The following GPR141 variants were observed in gnomAD, a reference collection of about 807,000 sequenced individuals.
GPR141 encodes probable G protein-coupled receptor 141.
In GPR141, 6 loss-of-function variants were observed where a neutral mutation model predicts 6.8. The observed-to-expected ratio is 0.88, with a 90% CI of 0.48 to 1.74. GPR141 has a LOEUF of 1.74. GPR141 is among the 40% of genes most tolerant of loss of function. GPR141 has a pLI of 0.01. For missense variants in GPR141, 372 were observed against 372.9 expected (o/e 1.00, Z 0.02); for synonymous variants, 140 against 142.3 (o/e 0.98, Z 0.11).
At chr7:37,729,650 A>G (rs1011925828) in intron 2 of GPR141, among the ~76,000 whole-genome samples, 6 of 152,208 alleles carry the variant, frequency 3.9e-5, no homozygotes, top group Non-Finnish European at 7.3e-5. Flanking sequence ...GCTTTTTGAG[A>G]AAGGAGCTGA....
intron 2 of GPR141, among the ~76,000 whole-genome samples, chr7:37,694,291 C>T (rs999833844): frequency 6.6e-6 from 1 of 152,188 alleles, no homozygotes; most frequent in Non-Finnish European, 1.5e-5. Flanking sequence ...GCAGCTCTGC[C>T]GGGGCACTGT....
intron 2 of GPR141, among the ~76,000 whole-genome samples, chr7:37,691,287 C>CTTTTTTTT (rs1562764851): frequency 3.4e-4 from 32 of 93,660 alleles, no homozygotes; most frequent in African/African-American, 4.9e-4. Context: ...CAGTCTATAT[C>CTTTTTTTT]CTTTTTTTTT....
chr7:37,713,834 A>T (rs1303837048), intron 2 of GPR141, among the ~76,000 whole-genome samples: 1 of 152,178 alleles, frequency 6.6e-6, no homozygotes, highest in Non-Finnish European at 1.5e-5. Context: ...ATCTACACTA[A>T]ATCCTTTATA....
intron 2 of GPR141, among the ~76,000 whole-genome samples, chr7:37,736,249 A>T (rs953492818): frequency 4.7e-5 from 7 of 148,820 alleles, no homozygotes; most frequent in African/African-American, 7.5e-5. Context: ...AAGACTCTTT[A>T]AAAAAAAAAG....
In GPR141 at chr7:37,742,586, A is replaced by G. The variant is rs1180746602; in HGVS notation, c.*1275A>G. Among the ~76,000 whole-genome samples, 3 of 152,148 alleles carry G rather than the reference A, an allele frequency of 2.0e-5. No homozygotes were observed. The highest frequency in any genetic ancestry group is 4.4e-5 in the Non-Finnish European group (3 of 68,020). ...TTAAATAAATGAAAACTGTGTTTTT[A>G]AAAGAGGACTTTTGAGAAGTATATA... On this transcript the variant is annotated 3_prime_UTR_variant, in exon 3 of 3. Coordinates refer to ENST00000334425, the MANE Select transcript of GPR141 (RefSeq NM_001381946.1).
In GPR141 at chr7:37,741,073, A is replaced by G. The variant is rs1812536078; in HGVS notation, c.680A>G (p.Asn227Ser). Reference protein sequence around the residue: ...SHQEFWAQLKNLFFIGVILVC... With the variant: ...SHQEFWAQLKSLFFIGVILVC... ...CAGGAGTTCTGGGCTCAGCTGAAAA[A>G]CCTATTTTTTATAGGGGTCATCCTT... Residue 227 changes from asparagine to serine, a missense_variant, in exon 3 of 3, where the codon AAC (asparagine) becomes AGC (serine). Physicochemically the swap from Asn to Ser is conservative, Grantham distance 46. Transcript: ENST00000334425. 6.2e-7 allele frequency: 1 copy of G among 1,613,706 alleles called. No homozygotes were observed. The highest frequency in any genetic ancestry group is 1.7e-5 in the Admixed American group (1 of 59,976).
chr7:37,692,926 T>G (rs1374932185), intron 2 of GPR141, among the ~76,000 whole-genome samples: 3 of 152,158 alleles, frequency 2.0e-5, no homozygotes, highest in African/African-American at 7.2e-5. Flanking sequence ...ATTGCAAAAA[T>G]TTTCTCCCAT....
intron 2 of GPR141, among the ~76,000 whole-genome samples, chr7:37,698,896 A>G (rs1810148056): frequency 1.3e-5 from 2 of 152,352 alleles, no homozygotes; most frequent in South Asian, 4.1e-4. Flanking sequence ...CAGTTTCTGT[A>G]TCCTACGTCA....
At chr7:37,739,355 C>T (rs1446636114) in intron 2 of GPR141, among the ~76,000 whole-genome samples, 3 of 152,274 alleles carry the variant, frequency 2.0e-5, no homozygotes, top group Admixed American at 6.5e-5. Context: ...TATCAAGACA[C>T]TTCTTTTTTC....
At chr7:37,695,684 A>T (rs1489427355) in intron 2 of GPR141, among the ~76,000 whole-genome samples, 1 of 152,068 alleles carries the variant, frequency 6.6e-6, no homozygotes, top group Non-Finnish European at 1.5e-5. Context: ...AGCCTTTTTT[A>T]TTAAAATGTA....
intron 2 of GPR141, among the ~76,000 whole-genome samples, chr7:37,691,246 CTTTT>C (rs375372143): frequency 3.1e-5 from 3 of 97,954 alleles, no homozygotes; most frequent in Admixed American, 1.2e-4. Flanking sequence ...TAGTTGGGTC[CTTTT>C]TTTTTTTTTT....
rs77105641 is a variant in GPR141, at chr7:37,717,692, C to T, written c.-14-22688C>T. Among the ~76,000 whole-genome samples, 59 of 152,310 alleles carry T rather than the reference C, an allele frequency of 3.9e-4. 1 individual carries two copies. In the East Asian group the frequency reaches 0.011, roughly 28 times the overall value. ...TCTCCCAGTTTGGCTTGTTCTCCCA[C>T]AACAATGCTCTGATGCACTATCTTA... On this transcript the variant is annotated intron_variant, in intron 2 of 2. Transcript: ENST00000334425.
intron 2 of GPR141, among the ~76,000 whole-genome samples, chr7:37,690,181 GTTTGTT>G (rs576051124): frequency 1.4e-3 from 217 of 151,906 alleles, no homozygotes; most frequent in African/African-American, 4.9e-3. Flanking sequence ...TTTTTTGTTT[GTTTGTT>G]TTTGTTTTTG....
intron 1 of GPR141, among the ~76,000 whole-genome samples, chr7:37,685,021 T>C (rs1173175945): frequency 6.6e-6 from 1 of 152,226 alleles, no homozygotes; most frequent in African/African-American, 2.4e-5. Flanking sequence ...GTAAATATTT[T>C]AGGCTTTGCA....
At chr7:37,731,346 TG>T (rs1234380816) in intron 2 of GPR141, among the ~76,000 whole-genome samples, 2 of 152,230 alleles carry the variant, frequency 1.3e-5, no homozygotes, top group East Asian at 1.9e-4. Context: ...GATGTAGTCA[TG>T]GCTGCAAGCA....
chr7:37,721,007 C>A (rs1811299807), intron 2 of GPR141, among the ~76,000 whole-genome samples: 1 of 152,142 alleles, frequency 6.6e-6, no homozygotes, highest in Non-Finnish European at 1.5e-5. Context: ...AGTTGAAAAA[C>A]AAGGACCAAT....
Position 37,705,337 on chromosome 7 carries a change from C to A in GPR141, c.-15+19754C>A, listed in dbSNP as rs1163041846. ...TTGATCACCAGACTAAATGGTAAAA[C>A]CTATATCACTGATAAATTATTTACA... is the stretch of plus-strand genomic sequence containing the variant. On this transcript the variant is annotated intron_variant, in intron 2 of 2. Transcript: ENST00000334425. Among the ~76,000 whole-genome samples the A allele has an allele frequency of 5.9e-5, 9 of 152,052 alleles. No individual in the cohort carries two copies. In the South Asian group the frequency reaches 1.7e-3, roughly 28 times the overall value.
At chr7:37,712,904 G>C (rs1449165103) in intron 2 of GPR141, among the ~76,000 whole-genome samples, 4 of 152,164 alleles carry the variant, frequency 2.6e-5, no homozygotes, top group African/African-American at 4.8e-5. Context: ...GCTGACTCTA[G>C]CTGGGCTGTC....
intron 2 of GPR141, among the ~76,000 whole-genome samples, chr7:37,735,135 C>T (rs756895940): frequency 5.9e-5 from 9 of 152,094 alleles, no homozygotes; most frequent in Non-Finnish European, 1.0e-4. Flanking sequence ...AGAGCTCCCA[C>T]CAGGAATAAT....
Sources: allele counts gnomAD v4.1 joint callset (sites outside exome capture counted in the v4.1 genomes callset), GRCh38; gene constraint gnomAD v4.1.1; transcripts MANE v1.5; gene names NCBI Gene and HGNC (gene_info 2026-07-23, HGNC 2026-07-21).